Variants in FABP1 observed in about 807,000 individuals in gnomAD.
FABP1 encodes fatty acid binding protein 1.
FABP1 carries 13 observed loss-of-function variants against 13.7 expected under a neutral mutation model. The ratio of observed to expected loss-of-function variants is 0.95; its 90% CI spans 0.62 to 1.51. The LOEUF (loss-of-function observed/expected upper bound fraction) is 1.51, where lower values mean the gene tolerates loss of function less well. Among genes scored for constraint, FABP1 ranks in the 40% most tolerant of loss-of-function variants. The pLI, the probability that FABP1 is intolerant of heterozygous loss-of-function variation, is 0.00. For synonymous variants in FABP1, 48 were observed against 59.8 expected, an observed-to-expected ratio of 0.80 and a Z score of 0.91; for missense variants, 140 against 155.7, an observed-to-expected ratio of 0.90 and a Z score of 0.54.
At chr2:88,125,537 C>T (rs780455367) in intron 2 of FABP1, among the ~76,000 whole-genome samples, 1 of 152,182 alleles carries the variant, frequency 6.6e-6, no homozygotes, top group African/African-American at 2.4e-5. Flanking sequence ...ACAGCCCACA[C>T]CCCAGCTGTC....
At position 88,123,210 on chromosome 2, in the gene FABP1, T is replaced by C. The variant is rs1027252639; in HGVS notation, c.334-106A>G. 3.5e-6 allele frequency: 3 copies of C among 853,290 alleles called. 1 individual carries two copies. In the Admixed American group the frequency reaches 7.6e-5, roughly 22 times the overall value. 52.9% of individuals were successfully genotyped at this position (853,290 alleles called of 1,614,324 possible). A position where few individuals can be genotyped will look rare whatever the true frequency, so the allele number is the denominator to read the frequency against. On this transcript the variant is annotated intron_variant, in intron 3 of 3. Transcript: ENST00000295834. The stretch of plus-strand genomic sequence containing the variant: ...TAAGCTTAAAAAACAGCACCAAATA[T>C]GTTGGCATATGAAACAATTCAAAAA...
chr2:88,126,887 G>A (rs530621663), intron 1 of FABP1: 1 of 153,784 alleles, frequency 6.5e-6, no homozygotes, highest in South Asian at 2.0e-4. Flanking sequence ...CTGGGATAGA[G>A]CTTTACCAGT....
At chr2:88,127,013 T>C (rs1028530522) in intron 1 of FABP1, among the ~76,000 whole-genome samples, 1 of 152,178 alleles carries the variant, frequency 6.6e-6, no homozygotes, top group Non-Finnish European at 1.5e-5. Context: ...AGAGGTGGTA[T>C]GGCTTGCCTG....
rs539274534 is a variant in FABP1, at chr2:88,128,062, C to T, written c.-45G>A. The T allele has an allele frequency of 2.0e-5, 32 of 1,585,206 alleles. No individual in the cohort carries two copies. The highest frequency in any genetic ancestry group is 6.7e-5 in the Admixed American group (4 of 59,982). ...CTTCACGACTGACCTGCGGCTCTGC[C>T]GACCAGACTGTCCACTGTAGGCTGT... On this transcript the variant is annotated 5_prime_UTR_variant, in exon 1 of 4. Coordinates refer to ENST00000295834, the MANE Select transcript of FABP1 (RefSeq NM_001443.3).
chr2:88,127,102 C>T (rs533181995), intron 1 of FABP1, among the ~76,000 whole-genome samples: 149 of 152,296 alleles, frequency 9.8e-4, no homozygotes, highest in African/African-American at 3.5e-3. Flanking sequence ...TCATTCTTGG[C>T]ACCCTCCCTT....
chr2:88,124,495 T>C lies in FABP1; in HGVS notation c.332A>G (p.Asn111Ser), dbSNP rs774559780. Residue 111 changes from asparagine to serine, a missense_variant and splice_region_variant, in exon 3 of 4, where the codon AAT (asparagine) becomes AGT (serine). Coordinates refer to ENST00000295834, the MANE Select transcript of FABP1 (RefSeq NM_001443.3). ...VTELNGDIIT[N>S]TMTLGDIVFK... Reference sequence around the variant, plus strand: ...ACGCTCAGAGCACCACCAACTTACATTGGTGATTATGTCGCCGTTGAGTTC... The same window carrying C: ...ACGCTCAGAGCACCACCAACTTACACTGGTGATTATGTCGCCGTTGAGTTC... The C allele has an allele frequency of 6.2e-7, 1 of 1,606,450 alleles. No homozygotes were observed. Among genetic ancestry groups the C allele is most frequent in the Non-Finnish European group, 8.5e-7 (1 of 1,176,486 alleles).
chr2:88,126,623 C>T, intron 1 of FABP1: 1 of 323,502 alleles, frequency 3.1e-6, no homozygotes, highest in Non-Finnish European at 5.9e-6. Context: ...TGTAAGCACC[C>T]TGGTTCTTGC....
intron 2 of FABP1, 56 bp downstream of exon 2, chr2:88,126,120 G>A (rs746396472): frequency 1.3e-6 from 2 of 1,535,334 alleles, no homozygotes; most frequent in Non-Finnish European, 1.8e-6. Context: ...TGAGGAATGA[G>A]GTCCCAGGGC....
chr2:88,123,273 C>T, intron 3 of FABP1, 169 bp from the exon 4 acceptor site: 3 of 580,882 alleles, frequency 5.2e-6, no homozygotes, highest in African/African-American at 1.9e-5. Context: ...GAAAGGTTGG[C>T]AATGTTTTCC....
At position 88,126,315 on chromosome 2, in the gene FABP1, T is replaced by A. The variant is rs774644570; in HGVS notation, c.101A>T (p.Asp34Val). 2 of 1,613,762 alleles carry A rather than the reference T, an allele frequency of 1.2e-6. No individual in the cohort carries two copies. The highest frequency in any genetic ancestry group is 2.7e-5 in the African/African-American group (2 of 74,896). The change falls in exon 2 of 4, where the codon GAT becomes GTT. Residue 34 changes from aspartate (D) to valine (V), a missense_variant. Asp to Val is a radical substitution (Grantham distance 152). Coordinates refer to ENST00000295834, the MANE Select transcript of FABP1 (RefSeq NM_001443.3). ...CACGATTTCCGACACCCCCTTGATA[T>A]CCTTCCCCTTCTGGATGAGCTCTTC... Reference protein sequence around the residue: ...LPEELIQKGKDIKGVSEIVQN... With the variant: ...LPEELIQKGKVIKGVSEIVQN...
chr2:88,127,449 C>T (rs1675319782), intron 1 of FABP1, among the ~76,000 whole-genome samples: 1 of 152,166 alleles, frequency 6.6e-6, no homozygotes, highest in African/African-American at 2.4e-5. Flanking sequence ...AGTTTTTTGG[C>T]AAGGAATAGA....
chr2:88,124,973 CTTTTT>C (rs10707485), intron 2 of FABP1, among the ~76,000 whole-genome samples: 2 of 143,156 alleles, frequency 1.4e-5, no homozygotes, highest in Admixed American at 6.9e-5. Flanking sequence ...ATGTATTCTT[CTTTTT>C]TTTTTTTTTT....
intron 2 of FABP1, among the ~76,000 whole-genome samples, chr2:88,125,100 C>T (rs1432745315): frequency 5.3e-5 from 8 of 151,802 alleles, no homozygotes; most frequent in African/African-American, 1.5e-4. Context: ...ATGAGCCACC[C>T]GCCCAACCAG....
chr2:88,126,606 T>G (rs774007522), intron 1 of FABP1: 58 of 370,804 alleles, frequency 1.6e-4, no homozygotes, highest in Non-Finnish European at 2.5e-4. Flanking sequence ...TGAAGAACCG[T>G]TCCTCTTGTA....
chr2:88,123,660 G>T (rs1480901413), intron 3 of FABP1: 1 of 152,550 alleles, frequency 6.6e-6, no homozygotes, highest in Non-Finnish European at 1.5e-5. Context: ...GGGTGAAAAG[G>T]AGCCCCTCAG....
At chr2:88,123,444 A>T (rs1675240141) in intron 3 of FABP1, 2 of 279,246 alleles carry the variant, frequency 7.2e-6, no homozygotes, top group Non-Finnish European at 1.3e-5. Context: ...TATGCACCAA[A>T]TACATGTTGA....
At chr2:88,127,927 T>C in intron 1 of FABP1, 24 bp downstream of exon 1, 1 of 1,613,472 alleles carries the variant, frequency 6.2e-7, no homozygotes, top group Non-Finnish European at 8.5e-7. Context: ...GACCCACAGC[T>C]TTGCCTTTCA....
At chr2:88,123,184 T>A in intron 3 of FABP1, 80 bp from the exon 4 acceptor site, 5 of 1,232,642 alleles carry the variant, frequency 4.1e-6, no homozygotes, top group Non-Finnish European at 5.8e-6. Flanking sequence ...AAAAACAAAA[T>A]TAAGCTTAAA....
rs372965385 is a variant in FABP1, at chr2:88,128,053, C to T, written c.-36G>A. 2.4e-4 allele frequency: 387 copies of T among 1,602,944 alleles called. No individual in the cohort carries two copies. The highest frequency in any genetic ancestry group is 3.0e-4 in the Non-Finnish European group (355 of 1,169,862). ...GAGCTCCCTCTTCACGACTGACCTG[C>T]GGCTCTGCCGACCAGACTGTCCACT... On this transcript the variant is annotated 5_prime_UTR_variant, in exon 1 of 4. Transcript: ENST00000295834.
Sources: allele counts gnomAD v4.1 joint callset (sites outside exome capture counted in the v4.1 genomes callset), GRCh38; gene constraint gnomAD v4.1.1; transcripts MANE v1.5; gene names NCBI Gene and HGNC (gene_info 2026-07-23, HGNC 2026-07-21).